PTPRD: variants seen among roughly 807,000 people sequenced by gnomAD.
PTPRD encodes the protein receptor-type tyrosine-protein phosphatase delta.
In PTPRD, 34 loss-of-function variants were observed where a neutral mutation model predicts 214.5. The observed-to-expected ratio is 0.16, with a 90% confidence interval of 0.12 to 0.21. PTPRD has a LOEUF of 0.21. Ranked by LOEUF, PTPRD falls within the 10% of genes least tolerant of loss-of-function variation. The probability of loss-of-function intolerance (pLI) is 1.00; values close to 1 mark genes in which losing one functional copy is unlikely to be tolerated. For synonymous variants in PTPRD, 1,128 were observed against 845.7 expected (o/e 1.33, Z -5.79); for missense variants, 2,545 against 2,398.7 (o/e 1.06, Z -1.27).
chr9:8,655,925 G>C (rs577060812), intron 12 of PTPRD, among the ~76,000 whole-genome samples: 7 of 152,012 alleles, frequency 4.6e-5, no homozygotes, highest in Admixed American at 1.3e-4. Context: ...ATCTTCCATG[G>C]TTCGCTACTA....
At chr9:9,640,286 C>G (rs1212330997) in intron 7 of PTPRD, among the ~76,000 whole-genome samples, 1 of 152,198 alleles carries the variant, frequency 6.6e-6, no homozygotes, top group Non-Finnish European at 1.5e-5. Context: ...GTGACTGGCA[C>G]TCTTTCCGAG....
intron 3 of PTPRD, among the ~76,000 whole-genome samples, chr9:10,330,172 C>T (rs551133464): frequency 6.6e-6 from 1 of 151,744 alleles, no homozygotes; most frequent in Non-Finnish European, 1.5e-5. Context: ...GACATTTTAA[C>T]TGGGACTATG....
At chr9:8,746,156 C>T (rs186377627) in intron 11 of PTPRD, among the ~76,000 whole-genome samples, 1 of 151,716 alleles carries the variant, frequency 6.6e-6, no homozygotes, top group East Asian at 1.9e-4. Context: ...GTAATTGTGA[C>T]AAGGTGGGAA....
intron 2 of PTPRD, among the ~76,000 whole-genome samples, chr9:10,541,555 C>T (rs891149051): frequency 1.3e-5 from 2 of 151,572 alleles, no homozygotes; most frequent in African/African-American, 4.8e-5. Context: ...ATATAATACA[C>T]AAATAAAAAT....
intron 19 of PTPRD, 138 bp downstream of exon 19, chr9:8,523,375 G>T: frequency 2.0e-6 from 2 of 1,003,522 alleles, no homozygotes; most frequent in Non-Finnish European, 1.5e-6. Flanking sequence ...AGAAGCCATG[G>T]CCAGGGCATT....
chr9:8,662,624 T>C (rs568531390), intron 12 of PTPRD, among the ~76,000 whole-genome samples: 1 of 152,260 alleles, frequency 6.6e-6, no homozygotes, highest in Non-Finnish European at 1.5e-5. Context: ...TTCCTACTTG[T>C]TCATCCCAGT....
intron 2 of PTPRD, among the ~76,000 whole-genome samples, chr9:10,563,702 G>T (rs896937126): frequency 2.0e-5 from 3 of 151,790 alleles, no homozygotes; most frequent in African/African-American, 7.3e-5. Context: ...TTTGGAGGAG[G>T]TGTGCAGACT....
chr9:9,880,569 A>G (rs1333783781), intron 5 of PTPRD, among the ~76,000 whole-genome samples: 1 of 152,126 alleles, frequency 6.6e-6, no homozygotes, highest in Non-Finnish European at 1.5e-5. Flanking sequence ...ATGAGTCCCT[A>G]GTTTACTTTA....
At chr9:9,663,656 T>C (rs1206167069) in intron 7 of PTPRD, among the ~76,000 whole-genome samples, 2 of 151,660 alleles carry the variant, frequency 1.3e-5, no homozygotes, top group African/African-American at 4.8e-5. Context: ...TTCCGCTTCA[T>C]ATCCAAATGA....
chr9:9,494,499 G>A (rs1471923741), intron 8 of PTPRD, among the ~76,000 whole-genome samples: 1 of 152,290 alleles, frequency 6.6e-6, no homozygotes, highest in East Asian at 1.9e-4. Flanking sequence ...ATCAAGGCAA[G>A]AGCCTCCACC....
At chr9:8,505,979 T>C (rs776076554) in intron 22 of PTPRD, among the ~76,000 whole-genome samples, 10 of 152,234 alleles carry the variant, frequency 6.6e-5, no homozygotes, top group Non-Finnish European at 1.3e-4. Context: ...TTAAGTCATA[T>C]CTGCATTTCA....
intron 2 of PTPRD, among the ~76,000 whole-genome samples, chr9:10,583,340 GTCTTTTTTTTT>G (rs1015709986): frequency 6.9e-6 from 1 of 144,826 alleles, no homozygotes; most frequent in African/African-American, 2.5e-5. Context: ...GGAGGTAAGA[GTCTTTTTTTTT>G]TCAGTCATGC....
At chr9:10,048,666 G>C (rs1332637868) in intron 3 of PTPRD, among the ~76,000 whole-genome samples, 1 of 152,020 alleles carries the variant, frequency 6.6e-6, no homozygotes, top group African/African-American at 2.4e-5. Flanking sequence ...ACCTCAGCAT[G>C]CAAGGCAAGG....
intron 8 of PTPRD, among the ~76,000 whole-genome samples, chr9:9,571,237 T>G (rs2086288136): frequency 6.6e-6 from 1 of 151,384 alleles, no homozygotes; most frequent in Admixed American, 6.6e-5. Context: ...TACCATCCTT[T>G]CTATCAGACA....
At chr9:9,067,194 C>T (rs1237585324) in intron 10 of PTPRD, among the ~76,000 whole-genome samples, 1 of 152,226 alleles carries the variant, frequency 6.6e-6, no homozygotes, top group African/African-American at 2.4e-5. Context: ...AGCACCATTG[C>T]ACTCCAGCCT....
chr9:9,387,419 G>A (rs969769700), intron 9 of PTPRD, among the ~76,000 whole-genome samples: 93 of 152,054 alleles, frequency 6.1e-4, no homozygotes, highest in African/African-American at 1.9e-3. Flanking sequence ...AGTTATTGAG[G>A]ACATTTATTC....
chr9:9,221,929 T>G lies in PTPRD; in HGVS notation c.-202-38566A>C, dbSNP rs185092820. The stretch of plus-strand genomic sequence containing the variant: ...AGACTCTGAAACCCCACCCTAGACC[T>G]ACTGAGTCACAATCTGCATTTTAAC... On this transcript the variant is annotated intron_variant, in intron 9 of 45. Coordinates refer to ENST00000381196, the MANE Select transcript of PTPRD (RefSeq NM_002839.4). Among the ~76,000 whole-genome samples, 278 of 152,156 alleles carry G rather than the reference T, an allele frequency of 1.8e-3. 1 individual carries two copies. Among genetic ancestry groups the G allele is most frequent in the African/African-American group, 6.5e-3 (270 of 41,538 alleles).
At chr9:8,470,631 T>C in intron 31 of PTPRD, among the ~76,000 whole-genome samples, 1 of 152,132 alleles carries the variant, frequency 6.6e-6, no homozygotes. Context: ...CCTCAGCAAC[T>C]GTTGCACTAA....
Position 8,722,850 on chromosome 9 carries a change from T to C in PTPRD, c.64+10930A>G, listed in dbSNP as rs76238321. On this transcript the variant is annotated intron_variant, in intron 12 of 45. Transcript: ENST00000381196. ...GAGATAACGAGCTAAAAGCAGACAT[T>C]TGTGCTTTTATTTACCAAAGTCTTT... is the stretch of plus-strand genomic sequence containing the variant. Among the ~76,000 whole-genome samples, 749 of 152,258 alleles carry C rather than the reference T, an allele frequency of 4.9e-3. 7 individuals carry two copies. The highest frequency in any genetic ancestry group is 0.017 in the African/African-American group (719 of 41,550).
Sources: gnomAD v4.1 joint callset for allele counts (sites outside exome capture counted in the v4.1 genomes callset) on GRCh38, gnomAD v4.1.1 for gene constraint, MANE v1.5 for transcripts, NCBI Gene and HGNC (gene_info 2026-07-23, HGNC 2026-07-21) for gene names.